The following CASD1 variants were observed in gnomAD, a reference collection of about 807,000 sequenced individuals.
The protein encoded by CASD1 is N-acetylneuraminate (7)9-O-acetyltransferase.
In CASD1, 41 loss-of-function variants were observed where a neutral mutation model predicts 100.0. The ratio of observed to expected loss-of-function variants is 0.41; its 90% CI spans 0.32 to 0.53. The LOEUF is 0.53. Among genes scored for constraint, CASD1 ranks in the 20% least tolerant of loss-of-function variants. The probability of loss-of-function intolerance (pLI) is 0.25; values close to 1 mark genes in which losing one functional copy is unlikely to be tolerated. For missense variants in CASD1, 774 were observed against 948.7 expected (o/e 0.82, Z 2.42); for synonymous variants, 321 against 315.6 (o/e 1.02, Z -0.18).
the CASD1 span, among the ~76,000 whole-genome samples, chr7:94,578,237 A>C: frequency 6.6e-6 from 1 of 152,210 alleles, no homozygotes; most frequent in African/African-American, 2.4e-5. Flanking sequence ...TAATTTAAAA[A>C]TGTAAATTGC....
rs556710049 is a variant in CASD1, at chr7:94,556,418, T to G, written c.*660T>G. 7.9e-5 allele frequency: 12 copies of G among 152,156 alleles called. No homozygotes were observed. The highest frequency in any genetic ancestry group is 7.9e-4 in the Admixed American group (12 of 15,272). The allele number at this position is 152,156 out of a possible 1,614,324, so 9.4% of individuals were successfully genotyped here. ...AGTTCTGAGGCTCCATGACAGGGTT[T>G]TGTCATTGTTGATGTTATTGTTGCT... On this transcript the variant is annotated 3_prime_UTR_variant, in exon 18 of 18. Coordinates refer to ENST00000297273, the MANE Select transcript of CASD1 (RefSeq NM_022900.5).
rs780206199 is a variant in CASD1, at chr7:94,551,457, T to G, written c.1935T>G (p.Phe645Leu). Reference sequence around the variant, plus strand: ...ACAAAATTTCAAATTTTCTGTTGTTTATTTCAGTAGTTTCTTTCTTGGTAA... The same window carrying G: ...ACAAAATTTCAAATTTTCTGTTGTTGATTTCAGTAGTTTCTTTCTTGGTAA... ...FSNKISNFLL[F>L]ISVVSFLTYS... Residue 645 changes from phenylalanine to leucine, a missense_variant, in exon 15 of 18, where the codon TTT (phenylalanine) becomes TTG (leucine). Coordinates refer to ENST00000297273, the MANE Select transcript of CASD1 (RefSeq NM_022900.5). 2.0e-6 allele frequency: 3 copies of G among 1,502,962 alleles called. No homozygotes were observed. Among genetic ancestry groups the G allele is most frequent in the South Asian group, 1.4e-5 (1 of 72,278 alleles). The allele number at this position is 1,502,962 out of a possible 1,614,324, so 93.1% of individuals were successfully genotyped here.
At chr7:94,584,047 T>C in the CASD1 span, among the ~76,000 whole-genome samples, 1 of 152,176 alleles carries the variant, frequency 6.6e-6, no homozygotes, top group Non-Finnish European at 1.5e-5. Flanking sequence ...GCCAATGATT[T>C]CTCTCCCCAT....
the CASD1 span, among the ~76,000 whole-genome samples, chr7:94,633,094 A>G: frequency 1.3e-5 from 2 of 152,120 alleles, no homozygotes; most frequent in Non-Finnish European, 2.9e-5. Context: ...AATCAAGCCA[A>G]GGTAACAGGG....
At chr7:94,581,297 C>CCAA in the CASD1 span, among the ~76,000 whole-genome samples, 1 of 152,194 alleles carries the variant, frequency 6.6e-6, no homozygotes, top group East Asian at 1.9e-4. Flanking sequence ...AATACACTGT[C>CCAA]CAACACTAGT....
chr7:94,510,008 G>A lies in CASD1; in HGVS notation c.-77G>A, dbSNP rs1793606101. 2 of 1,304,038 alleles carry A rather than the reference G, an allele frequency of 1.5e-6. No homozygotes were observed. Among genetic ancestry groups the A allele is most frequent in the East Asian group, 3.2e-5 (1 of 31,188 alleles). The allele number at this position is 1,304,038 out of a possible 1,614,324, so 80.8% of individuals were successfully genotyped here. A position where few individuals can be genotyped will look rare whatever the true frequency, so the allele number is the denominator to read the frequency against. Reference sequence around the variant, plus strand: ...CGGCCGCTCCTCGCCTGGCTGCAGCGGCGGCAGCCCCAGTGCTGCCCCTGT... The same window carrying A: ...CGGCCGCTCCTCGCCTGGCTGCAGCAGCGGCAGCCCCAGTGCTGCCCCTGT... On this transcript the variant is annotated 5_prime_UTR_variant, in exon 1 of 18. Coordinates refer to ENST00000297273, the MANE Select transcript of CASD1 (RefSeq NM_022900.5).
the CASD1 span, among the ~76,000 whole-genome samples, chr7:94,576,749 G>A: frequency 2.6e-5 from 4 of 152,302 alleles, no homozygotes; most frequent in Admixed American, 2.6e-4. Context: ...ACTGGGAAGG[G>A]TTACTTGGAA....
chr7:94,604,144 A>C, the CASD1 span, among the ~76,000 whole-genome samples: 1 of 152,142 alleles, frequency 6.6e-6, no homozygotes, highest in African/African-American at 2.4e-5. Context: ...CTGGCTAAAA[A>C]GATTTCACAA....
In CASD1 at chr7:94,531,338, C is replaced by G. The variant is rs150982323; in HGVS notation, c.460-1867C>G. On this transcript the variant is annotated intron_variant, in intron 5 of 17. Transcript: ENST00000297273. Reference sequence around the variant, plus strand: ...GAAGAATAGGGACATATTTTCTTTACTCTCTTGTCAGAGGAAGATAGCTGG... The same window carrying G: ...GAAGAATAGGGACATATTTTCTTTAGTCTCTTGTCAGAGGAAGATAGCTGG... Among the ~76,000 whole-genome samples the G allele has an allele frequency of 5.5e-3, 840 of 152,212 alleles. 6 individuals carry two copies. Among genetic ancestry groups the G allele is most frequent in the African/African-American group, 0.019 (780 of 41,526 alleles).
At chr7:94,542,328 A>G (rs1019112501) in intron 10 of CASD1, among the ~76,000 whole-genome samples, 1 of 152,186 alleles carries the variant, frequency 6.6e-6, no homozygotes, top group Non-Finnish European at 1.5e-5. Flanking sequence ...AGCACTTCGT[A>G]GCTAGTCAGG....
the CASD1 span, among the ~76,000 whole-genome samples, chr7:94,591,105 A>G: frequency 6.6e-6 from 1 of 152,176 alleles, no homozygotes; most frequent in Non-Finnish European, 1.5e-5. Context: ...CTAGAGGAGT[A>G]TTTCTTTTTT....
intron 13 of CASD1, among the ~76,000 whole-genome samples, chr7:94,549,301 T>C (rs1417073278): frequency 6.6e-6 from 1 of 151,954 alleles, no homozygotes; most frequent in Non-Finnish European, 1.5e-5. Flanking sequence ...TTACCAAGTT[T>C]TAAGTCATCT....
intron 10 of CASD1, among the ~76,000 whole-genome samples, chr7:94,543,823 GTGT>G (rs771246846): frequency 6.6e-6 from 1 of 152,138 alleles, no homozygotes; most frequent in Non-Finnish European, 1.5e-5. Context: ...GGATTCAAAT[GTGT>G]TGTATTTCAT....
chr7:94,607,216 G>C, the CASD1 span, among the ~76,000 whole-genome samples: 1 of 152,064 alleles, frequency 6.6e-6, no homozygotes, highest in Non-Finnish European at 1.5e-5. Context: ...AATTCTACTA[G>C]ACATTTAAGG....
intron 4 of CASD1, among the ~76,000 whole-genome samples, chr7:94,527,477 G>A (rs1794633267): frequency 6.6e-6 from 1 of 152,146 alleles, no homozygotes. Flanking sequence ...CAATCAGTGA[G>A]AATTCAGTGA....
intron 1 of CASD1, among the ~76,000 whole-genome samples, chr7:94,516,929 A>G (rs1794006910): frequency 6.7e-6 from 1 of 150,258 alleles, no homozygotes; most frequent in African/African-American, 2.5e-5. Context: ...AATGAGGCAG[A>G]GTCTAGCTCT....
intron 5 of CASD1, among the ~76,000 whole-genome samples, chr7:94,531,994 A>T (rs548487749): frequency 6.6e-6 from 1 of 152,244 alleles, no homozygotes; most frequent in East Asian, 1.9e-4. Flanking sequence ...TTACAATGAG[A>T]TAATTTAAGA....
the CASD1 span, among the ~76,000 whole-genome samples, chr7:94,574,471 C>T: frequency 1.3e-5 from 2 of 152,012 alleles, no homozygotes; most frequent in Non-Finnish European, 2.9e-5. Context: ...ATATATGTGT[C>T]CAAGAATTTA....
chr7:94,633,418 T>A, the CASD1 span, among the ~76,000 whole-genome samples: 1 of 152,134 alleles, frequency 6.6e-6, no homozygotes, highest in Non-Finnish European at 1.5e-5. Context: ...CAAAGGGTTA[T>A]GTAAGCAAGT....
Sources: allele counts gnomAD v4.1 joint callset (sites outside exome capture counted in the v4.1 genomes callset), GRCh38; gene constraint gnomAD v4.1.1; transcripts MANE v1.5; gene names NCBI Gene and HGNC (gene_info 2026-07-23, HGNC 2026-07-21).